SRGAP1: variants seen among roughly 807,000 people sequenced by gnomAD.
The protein encoded by SRGAP1 is SLIT-ROBO Rho GTPase-activating protein 1.
A neutral mutation model predicts 121.9 loss-of-function variants in SRGAP1; 43 were observed. That is an observed-to-expected ratio of 0.35 (90% CI 0.28 to 0.46). SRGAP1 has a LOEUF of 0.46. Ranked by LOEUF, SRGAP1 falls within the 20% of genes least tolerant of loss-of-function variation. The pLI, the probability that SRGAP1 is intolerant of heterozygous loss-of-function variation, is 1.00. For synonymous variants in SRGAP1, 447 were observed against 485.4 expected (o/e 0.92, Z 1.04); for missense variants, 1,102 against 1,350.9 (o/e 0.82, Z 2.89).
At chr12:64,090,256 A>G (rs2036024874) in intron 11 of SRGAP1, among the ~76,000 whole-genome samples, 1 of 152,200 alleles carries the variant, frequency 6.6e-6, no homozygotes, top group African/African-American at 2.4e-5. Context: ...TACATGCTGC[A>G]CTAGATGTGC....
At chr12:64,106,796 A>G (rs998113096) in intron 15 of SRGAP1, among the ~76,000 whole-genome samples, 4 of 152,204 alleles carry the variant, frequency 2.6e-5, no homozygotes, top group African/African-American at 9.6e-5. Context: ...CTTGTATGCA[A>G]TAGACGTAAC....
intron 1 of SRGAP1, among the ~76,000 whole-genome samples, chr12:63,961,807 A>G (rs2032651013): frequency 6.6e-6 from 1 of 152,224 alleles, no homozygotes; most frequent in Non-Finnish European, 1.5e-5. Flanking sequence ...TGTATATTCT[A>G]ATGTCAGGGA....
chr12:64,122,860 T>C (rs2036625809), intron 18 of SRGAP1, among the ~76,000 whole-genome samples: 2 of 152,142 alleles, frequency 1.3e-5, no homozygotes, highest in African/African-American at 4.8e-5. Flanking sequence ...ATCACGCCAC[T>C]GCACTCCAGC....
chr12:64,014,424 G>C (rs1243943752), intron 3 of SRGAP1, among the ~76,000 whole-genome samples: 38 of 152,086 alleles, frequency 2.5e-4, no homozygotes. Flanking sequence ...GTCAGCACAT[G>C]GACACATAGA....
intron 1 of SRGAP1, among the ~76,000 whole-genome samples, chr12:63,917,576 A>G (rs1463954407): frequency 6.6e-6 from 1 of 151,948 alleles, no homozygotes; most frequent in Admixed American, 6.6e-5. Context: ...CCTGGGTTTT[A>G]CTACTATAAA....
In SRGAP1 at chr12:64,156,231, C is replaced by A. The variant is rs2037163148; in HGVS notation, c.*13559C>A. On this transcript the variant is annotated 3_prime_UTR_variant, in exon 22 of 22. Coordinates refer to ENST00000355086, the MANE Select transcript of SRGAP1 (RefSeq NM_020762.4). ...AAGACATTTTATTCTTTTTTGTCTTCATCAGAATTTATTGAATCCTGATTA... is the reference window on the plus strand; with the variant it reads ...AAGACATTTTATTCTTTTTTGTCTTAATCAGAATTTATTGAATCCTGATTA... The A allele has an allele frequency of 6.6e-6, 1 of 152,094 alleles. No homozygotes were observed. Among genetic ancestry groups the A allele is most frequent in the South Asian group, 2.1e-4 (1 of 4,824 alleles). 9.4% of individuals were successfully genotyped at this position (152,094 alleles called of 1,614,324 possible). A position where few individuals can be genotyped will look rare whatever the true frequency, so the allele number is the denominator to read the frequency against.
At chr12:63,954,688 A>AAAAAAAAAAAAAAAAG (rs57230527) in intron 1 of SRGAP1, among the ~76,000 whole-genome samples, 36 of 130,276 alleles carry the variant, frequency 2.8e-4, no homozygotes, top group East Asian at 4.4e-4. Flanking sequence ...AAAAAAAAAA[A>AAAAAAAAAAAAAAAAG]AAAAGAAAAG....
intron 1 of SRGAP1, among the ~76,000 whole-genome samples, chr12:63,956,910 C>G (rs2032491849): frequency 6.6e-6 from 1 of 152,132 alleles, no homozygotes; most frequent in South Asian, 2.1e-4. Context: ...CCATTCTGCC[C>G]TAAGCAACCA....
At chr12:64,050,915 G>A (rs2035227862) in intron 6 of SRGAP1, among the ~76,000 whole-genome samples, 1 of 152,040 alleles carries the variant, frequency 6.6e-6, no homozygotes, top group Admixed American at 6.6e-5. Context: ...GTAGAGACGG[G>A]GTTTCACCAT....
At chr12:64,043,228 G>T (rs11175239) in intron 5 of SRGAP1, among the ~76,000 whole-genome samples, 1 of 152,064 alleles carries the variant, frequency 6.6e-6, no homozygotes, top group Non-Finnish European at 1.5e-5. Context: ...TTGCAAATGG[G>T]CCTGAAGCCC....
At chr12:63,902,418 C>T (rs1403506133) in intron 1 of SRGAP1, among the ~76,000 whole-genome samples, 4 of 152,126 alleles carry the variant, frequency 2.6e-5, no homozygotes, top group South Asian at 4.1e-4. Context: ...AGAGATTAAT[C>T]AACTTAATCT....
chr12:64,087,385 C>T (rs1238478727), intron 11 of SRGAP1, among the ~76,000 whole-genome samples: 1 of 152,112 alleles, frequency 6.6e-6, no homozygotes. Flanking sequence ...ACATCTACTG[C>T]ATAAGTAAGT....
chr12:63,891,983 CA>C (rs10716009), intron 1 of SRGAP1, among the ~76,000 whole-genome samples: 77,640 of 96,246 alleles, frequency 0.81, 29,873 homozygotes, highest in Middle Eastern at 0.89. Context: ...AAGACTGTCT[CA>C]AAAAAAAAAA....
intron 4 of SRGAP1, among the ~76,000 whole-genome samples, chr12:64,035,517 A>G (rs1403361508): frequency 6.6e-6 from 1 of 152,138 alleles, no homozygotes; most frequent in African/African-American, 2.4e-5. Flanking sequence ...ATCAGTATAC[A>G]TTGCACCCTG....
In SRGAP1 at chr12:63,948,913, CAT is replaced by C. The variant is rs56741629; in HGVS notation, c.68-35023_68-35022del. ...ATATATATTCCATATATATATTTTC[CAT>C]ATATATATATTCCATATATATATTT... is the stretch of plus-strand genomic sequence containing the variant. On this transcript the variant is annotated intron_variant, in intron 1 of 21. Coordinates refer to ENST00000355086, the MANE Select transcript of SRGAP1 (RefSeq NM_020762.4). Among the ~76,000 whole-genome samples, 113 of 50,916 alleles carry C rather than the reference CAT, an allele frequency of 2.2e-3. 4 individuals carry two copies. The highest frequency in any genetic ancestry group is 8.6e-3 in the African/African-American group (102 of 11,880). The allele number at this position is 50,916 out of a possible 152,430, so 33.4% of individuals were successfully genotyped here.
In SRGAP1 at chr12:64,154,053, C is replaced by A. The variant is rs768076730; in HGVS notation, c.*11381C>A. 6 of 152,168 alleles carry A rather than the reference C, an allele frequency of 3.9e-5. No homozygotes were observed. Among genetic ancestry groups the A allele is most frequent in the Admixed American group, 2.6e-4 (4 of 15,276 alleles). The allele number at this position is 152,168 out of a possible 1,614,324, so 9.4% of individuals were successfully genotyped here. ...AATGAGCCAATCAATAAAGGACAAA[C>A]ATTGCATGATTTTACTTCTATGAGA... On this transcript the variant is annotated 3_prime_UTR_variant, in exon 22 of 22. Transcript: ENST00000355086.
At chr12:64,054,132 C>T (rs540893102) in intron 6 of SRGAP1, among the ~76,000 whole-genome samples, 1 of 152,284 alleles carries the variant, frequency 6.6e-6, no homozygotes, top group South Asian at 2.1e-4. Flanking sequence ...ATTTGTCATC[C>T]TTGCAGTACA....
At chr12:64,100,659 A>G (rs1349308920) in intron 15 of SRGAP1, among the ~76,000 whole-genome samples, 1 of 152,216 alleles carries the variant, frequency 6.6e-6, no homozygotes, top group Non-Finnish European at 1.5e-5. Flanking sequence ...AAAGTTTTAC[A>G]GAATGGCAGG....
chr12:63,962,429 A>G (rs1283093514), intron 1 of SRGAP1, among the ~76,000 whole-genome samples: 1 of 152,084 alleles, frequency 6.6e-6, no homozygotes, highest in Non-Finnish European at 1.5e-5. Flanking sequence ...TTTTTTTGAG[A>G]CAGAGCCTTG....
Sources: gnomAD v4.1 joint callset for allele counts (sites outside exome capture counted in the v4.1 genomes callset) on GRCh38, gnomAD v4.1.1 for gene constraint, MANE v1.5 for transcripts, NCBI Gene and HGNC (gene_info 2026-07-23, HGNC 2026-07-21) for gene names.